Variants in KALRN observed in about 807,000 individuals in gnomAD.
KALRN encodes kalirin RhoGEF kinase.
A neutral mutation model predicts 353.7 loss-of-function variants in KALRN; 70 were observed. That is an observed-to-expected ratio of 0.20 (90% CI 0.16 to 0.24). The LOEUF is 0.24. KALRN is among the 10% of genes least tolerant of loss of function. The pLI, the probability that KALRN is intolerant of heterozygous loss-of-function variation, is 1.00. For missense variants in KALRN, 2,791 were observed against 3,756.7 expected, an observed-to-expected ratio of 0.74 and a Z score of 6.72; for synonymous variants, 1,391 against 1,434.8, an observed-to-expected ratio of 0.97 and a Z score of 0.69.
chr3:124,278,578 A>G (rs2075022204), intron 5 of KALRN, among the ~76,000 whole-genome samples: 1 of 151,310 alleles, frequency 6.6e-6, no homozygotes, highest in Non-Finnish European at 1.5e-5. Context: ...TGCTGGGACT[A>G]TGTGTCTCTA....
rs148282740 is a variant in KALRN, at chr3:124,081,664, G to A, written c.73+47851G>A. ...CACACACCTGTAGTCCAGCTACTCA[G>A]GAGGCCGAGGTGGGAGGATCCCTTG... On this transcript the variant is annotated intron_variant, in intron 1 of 59. Transcript: ENST00000682506. Among the ~76,000 whole-genome samples, 1,269 of 152,274 alleles carry A rather than the reference G, an allele frequency of 8.3e-3. 20 individuals are homozygous for A. The highest frequency in any genetic ancestry group is 9.0e-3 in the Non-Finnish European group (611 of 68,022).
intron 8 of KALRN, among the ~76,000 whole-genome samples, chr3:124,330,588 A>C (rs2080449427): frequency 6.6e-6 from 1 of 152,222 alleles, no homozygotes; most frequent in South Asian, 2.1e-4. Context: ...GGGTTACTGT[A>C]AAGTTAAGAA....
At chr3:124,191,160 C>T (rs1458534620) in intron 1 of KALRN, among the ~76,000 whole-genome samples, 1 of 152,186 alleles carries the variant, frequency 6.6e-6, no homozygotes, top group Non-Finnish European at 1.5e-5. Context: ...TCTGGGTGTG[C>T]CACCCTTAAG....
At chr3:124,175,215 T>C (rs1053369884) in intron 1 of KALRN, among the ~76,000 whole-genome samples, 2 of 152,220 alleles carry the variant, frequency 1.3e-5, no homozygotes, top group African/African-American at 4.8e-5. Flanking sequence ...CCAAGTTCTC[T>C]GCACTCAAGA....
At chr3:124,678,418 A>T (rs1189947443) in intron 50 of KALRN, 105 bp downstream of exon 50, 1 of 1,265,838 alleles carries the variant, frequency 7.9e-7, no homozygotes, top group African/African-American at 1.5e-5. Context: ...TTTTTTTCCC[A>T]GTATGGGTAC....
intron 1 of KALRN, among the ~76,000 whole-genome samples, chr3:124,101,308 T>G (rs961361550): frequency 3.9e-5 from 6 of 152,208 alleles, no homozygotes. Flanking sequence ...GTCAAAAACC[T>G]TTCCTTCCTT....
intron 1 of KALRN, among the ~76,000 whole-genome samples, chr3:124,206,847 C>T (rs1346519915): frequency 1.3e-5 from 2 of 151,794 alleles, no homozygotes; most frequent in African/African-American, 4.9e-5. Context: ...TCTTCATTTC[C>T]ATTTAGTCAC....
At chr3:124,686,433 G>A (rs1210900158) in intron 51 of KALRN, among the ~76,000 whole-genome samples, 1 of 152,234 alleles carries the variant, frequency 6.6e-6, no homozygotes, top group East Asian at 1.9e-4. Flanking sequence ...GAGCCTATGA[G>A]TGTGGTCATT....
intron 1 of KALRN, among the ~76,000 whole-genome samples, chr3:124,191,028 A>G (rs1296245708): frequency 6.6e-6 from 1 of 152,206 alleles, no homozygotes; most frequent in Non-Finnish European, 1.5e-5. Flanking sequence ...GGAGTGCCTC[A>G]GGTAACTCAG....
chr3:124,526,805 T>C (rs2067630985), intron 33 of KALRN, among the ~76,000 whole-genome samples: 1 of 152,128 alleles, frequency 6.6e-6, no homozygotes, highest in African/African-American at 2.4e-5. Context: ...CAGAGGCCAA[T>C]GAAGGAGTTA....
chr3:124,120,711 AATATATATATAT>A (rs368470724), intron 1 of KALRN, among the ~76,000 whole-genome samples: 26 of 98,946 alleles, frequency 2.6e-4, no homozygotes, highest in Middle Eastern at 4.8e-3. Context: ...GAATACTAAA[AATATATATATAT>A]ATATATATAT....
intron 1 of KALRN, among the ~76,000 whole-genome samples, chr3:124,115,771 A>G (rs2063400326): frequency 6.6e-6 from 1 of 152,172 alleles, no homozygotes; most frequent in Non-Finnish European, 1.5e-5. Context: ...ATGAATGGTC[A>G]GTTGTCTTGG....
intron 3 of KALRN, among the ~76,000 whole-genome samples, chr3:124,252,120 A>G (rs965244600): frequency 1.6e-4 from 25 of 152,210 alleles, no homozygotes; most frequent in Non-Finnish European, 3.2e-4. Flanking sequence ...TCCTAGACCT[A>G]GAAATAGGCA....
chr3:124,545,993 C>G (rs1194733535), intron 33 of KALRN, among the ~76,000 whole-genome samples: 1 of 152,146 alleles, frequency 6.6e-6, no homozygotes, highest in East Asian at 1.9e-4. Context: ...CTCCCTTTTT[C>G]TAGTTCCCTT....
At chr3:124,101,860 T>C (rs758239428) in intron 1 of KALRN, among the ~76,000 whole-genome samples, 1 of 152,162 alleles carries the variant, frequency 6.6e-6, no homozygotes, top group Non-Finnish European at 1.5e-5. Flanking sequence ...TAGCCTGCCA[T>C]GGACTCTGGA....
Position 124,234,915 on chromosome 3 carries a change from C to A in KALRN, c.235C>A (p.Leu79Ile). 1 of 1,606,680 alleles carries A rather than the reference C, an allele frequency of 6.2e-7. No homozygotes were observed. Among genetic ancestry groups the A allele is most frequent in the Non-Finnish European group, 8.5e-7 (1 of 1,176,104 alleles). The change falls in exon 3 of 60, where the codon CTC becomes ATC. Residue 79 changes from leucine to isoleucine, a missense_variant. Coordinates refer to ENST00000682506, the MANE Select transcript of KALRN (RefSeq NM_001388419.1). ...AATAAGACAGGAAGACCTGCGGAAA[C>A]TCGTGACGTATTTGGCCAGCGTGCC... The part of the protein sequence containing the change: ...DRIRQEDLRK[L>I]VTYLASVPSE...
At chr3:124,148,449 G>A (rs990920139) in intron 1 of KALRN, among the ~76,000 whole-genome samples, 43 of 152,298 alleles carry the variant, frequency 2.8e-4, no homozygotes, top group African/African-American at 7.7e-4. Context: ...AGCCAGGTAT[G>A]AAACCCCTTC....
At chr3:124,381,097 A>C (rs2149893451) in intron 10 of KALRN, among the ~76,000 whole-genome samples, 1 of 152,350 alleles carries the variant, frequency 6.6e-6, no homozygotes, top group Non-Finnish European at 1.5e-5. Context: ...GTTGGTATAG[A>C]TCAATCTAGG....
chr3:124,459,321 G>A (rs1412063100), intron 23 of KALRN, among the ~76,000 whole-genome samples: 1 of 152,188 alleles, frequency 6.6e-6, no homozygotes. Context: ...AGAGAGTAGA[G>A]GATGCTGAGA....
Sources: allele counts gnomAD v4.1 joint callset (sites outside exome capture counted in the v4.1 genomes callset), GRCh38; gene constraint gnomAD v4.1.1; transcripts MANE v1.5; gene names NCBI Gene and HGNC (gene_info 2026-07-23, HGNC 2026-07-21).